Variants in ZNF254 observed in about 807,000 individuals in gnomAD.
ZNF254 encodes zinc finger protein 254, also known as CTD-2017D11.1.
A neutral mutation model predicts 12.4 loss-of-function variants in ZNF254; 10 were observed. The ratio of observed to expected loss-of-function variants is 0.80; its 90% CI spans 0.50 to 1.36. ZNF254 has a LOEUF of 1.36. ZNF254 is among the 40% of genes most tolerant of loss of function. ZNF254 has a pLI of 0.00. For synonymous variants in ZNF254, 305 were observed against 253.4 expected (o/e 1.20, Z -1.93); for missense variants, 996 against 763.9 (o/e 1.30, Z -3.58).
intron 1 of ZNF254, among the ~76,000 whole-genome samples, chr19:24,043,383 T>C (rs961946411): frequency 1.3e-5 from 2 of 152,140 alleles, no homozygotes; most frequent in African/African-American, 2.4e-5. Flanking sequence ...TGTCTCAGCC[T>C]CCCGAGTAGC....
At chr19:24,110,566 A>C (rs1021995079) in intron 3 of ZNF254, among the ~76,000 whole-genome samples, 2 of 122,962 alleles carry the variant, frequency 1.6e-5, no homozygotes, top group Admixed American at 8.0e-5. Flanking sequence ...ACCCTGTTTC[A>C]AAAAAAAAAA....
chr19:24,116,734 G>A (rs1006593949), intron 3 of ZNF254, among the ~76,000 whole-genome samples: 1 of 152,132 alleles, frequency 6.6e-6, no homozygotes, highest in East Asian at 1.9e-4. Context: ...TTCCATTGAT[G>A]GTGAGGAACT....
At chr19:24,057,074 T>C (rs1456580845) in intron 2 of ZNF254, among the ~76,000 whole-genome samples, 1 of 152,208 alleles carries the variant, frequency 6.6e-6, no homozygotes, top group Non-Finnish European at 1.5e-5. Flanking sequence ...AGATTGTCAC[T>C]CTTCTCTTTT....
At chr19:24,061,127 A>G (rs1226827788) in intron 2 of ZNF254, among the ~76,000 whole-genome samples, 1 of 152,062 alleles carries the variant, frequency 6.6e-6, no homozygotes, top group African/African-American at 2.4e-5. Flanking sequence ...TGGGCCCTGC[A>G]TAAATTGTAT....
chr19:24,083,978 C>T (rs1971938583), upstream of ZNF254, among the ~76,000 whole-genome samples: 1 of 151,914 alleles, frequency 6.6e-6, no homozygotes, highest in African/African-American at 2.4e-5. Flanking sequence ...AGCAATTCCA[C>T]TACTGGGTAT....
rs1974898742 is a variant in ZNF254 at position 24,126,944 on chromosome 19, T to C, written c.944T>C (p.Ile315Thr). Residue 315 changes from isoleucine to threonine, a missense_variant, in exon 4 of 4, where the codon ATT (isoleucine) becomes ACT (threonine). Coordinates refer to ENST00000357002, the MANE Select transcript of ZNF254 (RefSeq NM_203282.4). ...TCAACCCTTACTGAGCATAAGAAAA[T>C]TCATACTAGAAAGAAACCCTACAAG... ...WSSTLTEHKK[I>T]HTRKKPYKCE... 6.2e-7 allele frequency: 1 copy of C among 1,613,250 alleles called. No homozygotes were observed. The highest frequency in any genetic ancestry group is 8.5e-7 in the Non-Finnish European group (1 of 1,179,736).
At chr19:24,106,091 T>C (rs762816293) in intron 2 of ZNF254, 25 bp downstream of exon 2, 1 of 1,555,320 alleles carries the variant, frequency 6.4e-7, no homozygotes, top group South Asian at 1.2e-5. Flanking sequence ...AATACAAAAT[T>C]CCTCACATAA....
chr19:24,107,467 T>A (rs1227556321), intron 3 of ZNF254: 1 of 341,796 alleles, frequency 2.9e-6, no homozygotes, highest in Non-Finnish European at 5.2e-6. Context: ...ACATAAGTTT[T>A]TTTTTCCTCT....
At chr19:24,070,863 C>T (rs1971454920) in intron 2 of ZNF254, among the ~76,000 whole-genome samples, 1 of 152,136 alleles carries the variant, frequency 6.6e-6, no homozygotes, top group Non-Finnish European at 1.5e-5. Flanking sequence ...GGTCCCTGCA[C>T]CCAGGTAATT....
chr19:24,053,739 G>T (rs1366622910), intron 2 of ZNF254, among the ~76,000 whole-genome samples: 1 of 151,862 alleles, frequency 6.6e-6, no homozygotes, highest in Non-Finnish European at 1.5e-5. Context: ...TCTCCTGCAT[G>T]GGCCCTGTCC....
intron 3 of ZNF254, among the ~76,000 whole-genome samples, chr19:24,123,869 A>C (rs1974651771): frequency 6.6e-6 from 1 of 152,106 alleles, no homozygotes; most frequent in Non-Finnish European, 1.5e-5. Flanking sequence ...TTTTATCATT[A>C]GATTTCAACT....
At chr19:24,119,706 G>A (rs2145944213) in intron 3 of ZNF254, among the ~76,000 whole-genome samples, 1 of 152,038 alleles carries the variant, frequency 6.6e-6, no homozygotes, top group South Asian at 2.1e-4. Flanking sequence ...GCTGAGGTTG[G>A]TCTCAAACTT....
At chr19:24,120,430 A>G (rs1349047750) in intron 3 of ZNF254, among the ~76,000 whole-genome samples, 1 of 152,132 alleles carries the variant, frequency 6.6e-6, no homozygotes, top group African/African-American at 2.4e-5. Context: ...TTTTCAGTTT[A>G]TTAATATAAA....
intron 2 of ZNF254, among the ~76,000 whole-genome samples, chr19:24,067,653 G>T (rs1244475643): frequency 6.6e-6 from 1 of 151,958 alleles, no homozygotes; most frequent in Non-Finnish European, 1.5e-5. Context: ...CTCTCAGAGG[G>T]TATTGTGACA....
chr19:24,113,691 T>G (rs369887305), intron 3 of ZNF254, among the ~76,000 whole-genome samples: 2 of 152,080 alleles, frequency 1.3e-5, no homozygotes, highest in Non-Finnish European at 2.9e-5. Flanking sequence ...CCAGGGCAAT[T>G]AGGCAGGAGA....
intron 2 of ZNF254, among the ~76,000 whole-genome samples, chr19:24,049,194 ATATATATATATATATATATATTTT>A (rs1208233642): frequency 1.5e-5 from 1 of 65,850 alleles, no homozygotes; most frequent in Non-Finnish European, 2.8e-5. Flanking sequence ...TTATATATAT[ATATATATATATATATATATATTTT>A]TTTTTTTTTT....
chr19:24,083,988 T>G (rs1271296574), upstream of ZNF254, among the ~76,000 whole-genome samples: 2 of 151,900 alleles, frequency 1.3e-5, no homozygotes, highest in African/African-American at 4.8e-5. Context: ...CTACTGGGTA[T>G]CTACATGGTG....
At chr19:24,055,017 A>G (rs990278619) in intron 2 of ZNF254, among the ~76,000 whole-genome samples, 2 of 151,732 alleles carry the variant, frequency 1.3e-5, no homozygotes, top group Non-Finnish European at 2.9e-5. Flanking sequence ...CCTGACCAAC[A>G]TGTTGAAACC....
intron 2 of ZNF254, among the ~76,000 whole-genome samples, chr19:24,074,083 T>A (rs556781614): frequency 2.1e-4 from 32 of 152,314 alleles, no homozygotes; most frequent in Admixed American, 2.0e-3. Context: ...GTTATGTGAC[T>A]CTCATTCCTG....
Sources: gnomAD v4.1 joint callset for allele counts (sites outside exome capture counted in the v4.1 genomes callset) on GRCh38, gnomAD v4.1.1 for gene constraint, MANE v1.5 for transcripts, NCBI Gene and HGNC (gene_info 2026-07-23, HGNC 2026-07-21) for gene names.